Variants in DNM3 observed in about 807,000 individuals in gnomAD.
The protein encoded by DNM3 is dynamin-3.
A neutral mutation model predicts 101.6 loss-of-function variants in DNM3; 47 were observed. The ratio of observed to expected loss-of-function variants is 0.46; its 90% confidence interval spans 0.37 to 0.59. DNM3 has a LOEUF of 0.59. Among genes scored for constraint, DNM3 ranks in the 20% least tolerant of loss-of-function variants. The pLI is 0.00. For synonymous variants in DNM3, 385 were observed against 387.9 expected (o/e 0.99, Z 0.09); for missense variants, 849 against 1,085.7 (o/e 0.78, Z 3.06).
At chr1:172,367,839 T>A (rs2068102000) in intron 17 of DNM3, among the ~76,000 whole-genome samples, 1 of 151,864 alleles carries the variant, frequency 6.6e-6, no homozygotes, top group Non-Finnish European at 1.5e-5. Context: ...TGAATTATAG[T>A]TCTTATAATT....
At chr1:172,241,008 A>G (rs1016724678) in intron 14 of DNM3, among the ~76,000 whole-genome samples, 1 of 152,112 alleles carries the variant, frequency 6.6e-6, no homozygotes, top group African/African-American at 2.4e-5. Flanking sequence ...TTAGCTCACT[A>G]GTAAAGAAAA....
intron 1 of DNM3, among the ~76,000 whole-genome samples, chr1:171,860,937 G>A (rs1450106728): frequency 1.3e-5 from 2 of 152,104 alleles, no homozygotes; most frequent in African/African-American, 4.8e-5. Flanking sequence ...ATTTGGGCAT[G>A]TTAGAGCCTG....
At chr1:172,351,270 T>A (rs1181957647) in intron 17 of DNM3, among the ~76,000 whole-genome samples, 2 of 152,180 alleles carry the variant, frequency 1.3e-5, no homozygotes, top group Admixed American at 1.3e-4. Context: ...GAATGATAAA[T>A]CTAAGAAATT....
At chr1:171,859,161 G>T (rs992935061) in intron 1 of DNM3, among the ~76,000 whole-genome samples, 1 of 152,104 alleles carries the variant, frequency 6.6e-6, no homozygotes, top group Non-Finnish European at 1.5e-5. Flanking sequence ...TTACCTGGCT[G>T]TGTAGCATAC....
At chr1:171,908,565 T>C (rs1349602864) in intron 1 of DNM3, among the ~76,000 whole-genome samples, 1 of 152,136 alleles carries the variant, frequency 6.6e-6, no homozygotes, top group African/African-American at 2.4e-5. Context: ...TTGGTGCTTA[T>C]TTTCCTATCT....
intron 19 of DNM3, among the ~76,000 whole-genome samples, chr1:172,388,188 C>G (rs1469827881): frequency 6.6e-6 from 1 of 151,738 alleles, no homozygotes; most frequent in East Asian, 2.0e-4. Context: ...GAGCCGAGAT[C>G]ACGCCACTGC....
intron 13 of DNM3, among the ~76,000 whole-genome samples, chr1:172,106,847 C>CTT (rs1165611083): frequency 0.02 from 1,343 of 67,700 alleles, 298 homozygotes; most frequent in Non-Finnish European, 0.025. Context: ...TAACATTATT[C>CTT]TTTTTTTTTT....
chr1:171,954,391 AAAT>A (rs1157129278), intron 2 of DNM3, among the ~76,000 whole-genome samples: 3 of 152,248 alleles, frequency 2.0e-5, no homozygotes, highest in African/African-American at 4.8e-5. Flanking sequence ...TTCCTGGGGG[AAAT>A]AATGCTTGTT....
intron 4 of DNM3, among the ~76,000 whole-genome samples, chr1:172,027,615 C>CAGAG (rs112496598): frequency 7.2e-6 from 1 of 139,186 alleles, no homozygotes; most frequent in African/African-American, 2.9e-5. Flanking sequence ...CACACACACA[C>CAGAG]ACAGAGAGAG....
At chr1:171,867,375 C>T (rs533301983) in intron 1 of DNM3, among the ~76,000 whole-genome samples, 1 of 152,222 alleles carries the variant, frequency 6.6e-6, no homozygotes, top group African/African-American at 2.4e-5. Context: ...TTTAATATGG[C>T]TGTTCGTGCT....
intron 15 of DNM3, among the ~76,000 whole-genome samples, chr1:172,257,200 A>T (rs982453274): frequency 6.6e-6 from 1 of 152,118 alleles, no homozygotes; most frequent in Non-Finnish European, 1.5e-5. Flanking sequence ...AGTATATATT[A>T]GGCAGCTGTT....
chr1:172,232,324 A>G (rs1179331221), intron 14 of DNM3, among the ~76,000 whole-genome samples: 1 of 152,208 alleles, frequency 6.6e-6, no homozygotes, highest in African/African-American at 2.4e-5. Context: ...GATCAATTCA[A>G]CAAGAAGAGC....
At position 172,365,135 on chromosome 1, in the gene DNM3, A is replaced by G. The variant is rs146718248; in HGVS notation, c.1894-13883A>G. 4.2e-3 allele frequency among the ~76,000 whole-genome samples: 646 copies of G among 152,094 alleles called. 2 individuals are homozygous for G. Among genetic ancestry groups the G allele is most frequent in the African/African-American group, 0.015 (619 of 41,534 alleles). ...TTAAAGACAACTGGGGAAGTGTAAT[A>G]TGAATACTAAATGTATAATAATGTT... is the stretch of plus-strand genomic sequence containing the variant. On this transcript the variant is annotated intron_variant, in intron 17 of 20. Coordinates refer to ENST00000627582, the MANE Select transcript of DNM3 (RefSeq NM_015569.5).
chr1:172,056,571 A>C (rs1310998849), intron 10 of DNM3, among the ~76,000 whole-genome samples: 15 of 152,172 alleles, frequency 9.9e-5, no homozygotes, highest in Admixed American at 2.6e-4. Context: ...AGGCACCCCC[A>C]AGCAGGGGCA....
At chr1:172,336,497 T>TTA (rs1381951333) in intron 17 of DNM3, among the ~76,000 whole-genome samples, 1 of 149,212 alleles carries the variant, frequency 6.7e-6, no homozygotes, top group African/African-American at 2.4e-5. Context: ...TAATTATAAT[T>TTA]TATATATATA....
rs1446976313 is a variant in DNM3, at chr1:172,408,509, T to C, written c.*668T>C. 2 of 985,262 alleles carry C rather than the reference T, an allele frequency of 2.0e-6. No homozygotes were observed. The highest frequency in any genetic ancestry group is 2.4e-6 in the Non-Finnish European group (2 of 829,886). 61.0% of individuals were successfully genotyped at this position (985,262 alleles called of 1,614,324 possible). On this transcript the variant is annotated 3_prime_UTR_variant, in exon 21 of 21. Transcript: ENST00000627582. Reference sequence around the variant, plus strand: ...TGCTAGAAGCATATGCAACAGTGAATAAAAGCTTCTTTTTTTGTTAATCAG... The same window carrying C: ...TGCTAGAAGCATATGCAACAGTGAACAAAAGCTTCTTTTTTTGTTAATCAG...
chr1:172,249,804 C>T lies in DNM3; in HGVS notation c.1660-3769C>T, dbSNP rs539985186. On this transcript the variant is annotated intron_variant, in intron 14 of 20. Coordinates refer to ENST00000627582, the MANE Select transcript of DNM3 (RefSeq NM_015569.5). ...TGTAAATTTTTGTTTTTCTCCATAA[C>T]ATAGAATATTATCTGTTAGTCTGTC... Among the ~76,000 whole-genome samples the T allele has an allele frequency of 6.6e-5, 10 of 152,202 alleles. No individual in the cohort carries two copies. In the South Asian group the frequency reaches 2.1e-3, roughly 32 times the overall value.
intron 1 of DNM3, among the ~76,000 whole-genome samples, chr1:171,898,476 G>A (rs1198742326): frequency 1.3e-5 from 2 of 151,940 alleles, no homozygotes; most frequent in South Asian, 2.1e-4. Flanking sequence ...AAATTTAATC[G>A]AGAGATTATT....
chr1:172,184,816 G>T (rs907913785), intron 14 of DNM3, among the ~76,000 whole-genome samples: 1 of 152,048 alleles, frequency 6.6e-6, no homozygotes, highest in South Asian at 2.1e-4. Flanking sequence ...GAAGTTCATC[G>T]CTTTCCTGTC....
Sources: allele counts gnomAD v4.1 joint callset (sites outside exome capture counted in the v4.1 genomes callset), GRCh38; gene constraint gnomAD v4.1.1; transcripts MANE v1.5; gene names NCBI Gene and HGNC (gene_info 2026-07-23, HGNC 2026-07-21).